The following RASSF5 variants were observed in gnomAD, a reference collection of about 807,000 sequenced individuals.
The protein encoded by RASSF5 is Ras association domain family member 5.
RASSF5 carries 25 observed loss-of-function variants against 40.5 expected under a neutral mutation model. That is an observed-to-expected ratio of 0.62 (90% CI 0.45 to 0.86). RASSF5 has a LOEUF of 0.86. Ranked by LOEUF, RASSF5 falls within the 40% of genes least tolerant of loss-of-function variation. The probability of loss-of-function intolerance (pLI) is 0.00; values close to 1 mark genes in which losing one functional copy is unlikely to be tolerated. For synonymous variants in RASSF5, 246 were observed against 252.4 expected (o/e 0.97, Z 0.24); for missense variants, 521 against 572.8 (o/e 0.91, Z 0.92).
At chr1:206,577,380 G>A (rs1668693711) in intron 2 of RASSF5, among the ~76,000 whole-genome samples, 1 of 152,182 alleles carries the variant, frequency 6.6e-6, no homozygotes, top group South Asian at 2.1e-4. Context: ...TGGGATGATA[G>A]TCACCATACA....
chr1:206,564,210 T>G (rs896902306), intron 2 of RASSF5, among the ~76,000 whole-genome samples: 1 of 152,166 alleles, frequency 6.6e-6, no homozygotes, highest in African/African-American at 2.4e-5. Context: ...TTCTAGATAT[T>G]GGCTGCCAAG....
At chr1:206,574,854 T>C (rs1250957364) in intron 2 of RASSF5, among the ~76,000 whole-genome samples, 320 of 37,372 alleles carry the variant, frequency 8.6e-3, no homozygotes, top group Non-Finnish European at 0.014. Context: ...GACCAATGAC[T>C]TTTTTTTTTT....
chr1:206,578,860 T>C (rs1553405685), intron 2 of RASSF5, among the ~76,000 whole-genome samples: 1 of 152,158 alleles, frequency 6.6e-6, no homozygotes, highest in African/African-American at 2.4e-5. Context: ...AGATTACATA[T>C]GTCATTGATT....
At chr1:206,582,893 G>A (rs1295862269) in intron 2 of RASSF5, among the ~76,000 whole-genome samples, 1 of 152,186 alleles carries the variant, frequency 6.6e-6, no homozygotes, top group Non-Finnish European at 1.5e-5. Flanking sequence ...CATCAAAGAA[G>A]CATCTTTTCC....
At chr1:206,577,202 G>A (rs2103560446) in intron 2 of RASSF5, among the ~76,000 whole-genome samples, 1 of 152,202 alleles carries the variant, frequency 6.6e-6, no homozygotes, top group South Asian at 2.1e-4. Flanking sequence ...CAGACTGCGT[G>A]GCCTGCAAAA....
chr1:206,574,149 G>A (rs1485982925), intron 2 of RASSF5, among the ~76,000 whole-genome samples: 1 of 152,234 alleles, frequency 6.6e-6, no homozygotes, highest in Non-Finnish European at 1.5e-5. Context: ...TAGCTGAGCT[G>A]TGCAGAGACT....
Position 206,560,452 on chromosome 1 carries a change from C to T in RASSF5, c.579+22159C>T, listed in dbSNP as rs1428470604. 2.6e-5 allele frequency among the ~76,000 whole-genome samples: 4 copies of T among 152,210 alleles called. No individual in the cohort carries two copies. The highest frequency in any genetic ancestry group is 7.2e-5 in the African/African-American group (3 of 41,446). On this transcript the variant is annotated intron_variant, in intron 2 of 5. Coordinates refer to ENST00000579436, the MANE Select transcript of RASSF5 (RefSeq NM_182663.4). The surrounding 1 kb of genome is among the most constrained non-coding windows in gnomAD (Gnocchi z 5.1). ...AGCAAGGGAGATGGGGGCACCAGGC[C>T]CTGGGCCCTAGCTTGGTCTCTCTTT... is the stretch of plus-strand genomic sequence containing the variant.
chr1:206,563,169 A>G (rs2103544376), intron 2 of RASSF5, among the ~76,000 whole-genome samples: 2 of 152,294 alleles, frequency 1.3e-5, no homozygotes, highest in Middle Eastern at 6.8e-3. Flanking sequence ...ACCACGGGCC[A>G]TTGGCTGGAA....
intron 2 of RASSF5, among the ~76,000 whole-genome samples, chr1:206,566,394 G>A (rs1189035299): frequency 6.6e-6 from 1 of 152,098 alleles, no homozygotes; most frequent in Admixed American, 6.5e-5. Flanking sequence ...GGGAAATCTG[G>A]GTTACTGTAC....
chr1:206,578,510 C>T lies in RASSF5; in HGVS notation c.580-4759C>T, dbSNP rs145163494. Among the ~76,000 whole-genome samples the T allele has an allele frequency of 5.2e-3, 786 of 152,164 alleles. 5 individuals carry two copies. The highest frequency in any genetic ancestry group is 8.2e-3 in the Admixed American group (125 of 15,284). On this transcript the variant is annotated intron_variant, in intron 2 of 5. Transcript: ENST00000579436. ...GCTGGAGTGATCAGGAAGAGCTTGA[C>T]AAATAAAGTGACTTCTGATGGGCAA...
chr1:206,572,455 A>G lies in RASSF5; in HGVS notation c.580-10814A>G, dbSNP rs573058695. The G allele has an allele frequency of 5.9e-5, 9 of 152,342 alleles. No homozygotes were observed. In the South Asian group the frequency reaches 1.2e-3, roughly 21 times the overall value. The allele number at this position is 152,342 out of a possible 1,614,324, so 9.4% of individuals were successfully genotyped here. ...ATGGTGCCCCTGGGATGCAGCAGAG[A>G]GGAAGGGAGTCTGTCCAGACCTGGG... On this transcript the variant is annotated intron_variant, in intron 2 of 5. Coordinates refer to ENST00000579436, the MANE Select transcript of RASSF5 (RefSeq NM_182663.4).
At chr1:206,508,162 G>C (rs1403006095) in intron 1 of RASSF5, 103 bp downstream of exon 1, 1 of 898,176 alleles carries the variant, frequency 1.1e-6, no homozygotes, top group Non-Finnish European at 1.5e-6. Flanking sequence ...TACACTCTTT[G>C]GCTCCAGGGG....
rs1480922755 is a variant in RASSF5, at chr1:206,531,583, A to G, written c.458-6589A>G. 6.6e-6 allele frequency among the ~76,000 whole-genome samples: 1 copy of G among 152,182 alleles called. No individual in the cohort carries two copies. The highest frequency in any genetic ancestry group is 1.5e-5 in the Non-Finnish European group (1 of 68,012). Reference sequence around the variant, plus strand: ...CTCTCTGGGTGTTCTTGGAGCTGCCATAGCTGGTCCAGCCCAGAGGCTCCA... The same window carrying G: ...CTCTCTGGGTGTTCTTGGAGCTGCCGTAGCTGGTCCAGCCCAGAGGCTCCA... On this transcript the variant is annotated intron_variant, in intron 1 of 5. Transcript: ENST00000579436. The surrounding 1 kb of genome is among the most constrained non-coding windows in gnomAD (Gnocchi z 4.7).
At chr1:206,510,580 C>T (rs545747456) in intron 1 of RASSF5, among the ~76,000 whole-genome samples, 2 of 152,124 alleles carry the variant, frequency 1.3e-5, no homozygotes, top group African/African-American at 2.4e-5. Flanking sequence ...GATTACCTTT[C>T]GAAGCAGTGA....
At chr1:206,518,287 A>G (rs2103504770) in intron 1 of RASSF5, 1 of 396,188 alleles carries the variant, frequency 2.5e-6, no homozygotes, top group East Asian at 3.6e-5. Context: ...GTGACTGTCC[A>G]GGTCATGCGA....
chr1:206,554,467 T>C (rs899266434), intron 2 of RASSF5, among the ~76,000 whole-genome samples: 3 of 152,170 alleles, frequency 2.0e-5, no homozygotes, highest in Non-Finnish European at 2.9e-5. Context: ...AAGTGGCCCA[T>C]TCATCATTTC....
intron 1 of RASSF5, among the ~76,000 whole-genome samples, chr1:206,511,863 C>T (rs1666623708): frequency 6.6e-6 from 1 of 152,166 alleles, no homozygotes; most frequent in Non-Finnish European, 1.5e-5. Flanking sequence ...GTGACAGCCC[C>T]CGATCCTGCA....
chr1:206,542,718 AT>A (rs1382288997), intron 2 of RASSF5: 1 of 152,082 alleles, frequency 6.6e-6, no homozygotes, highest in Non-Finnish European at 1.5e-5. Flanking sequence ...CCTGTCTACT[AT>A]TTACTTAACA....
chr1:206,571,980 G>A (rs905870362), intron 2 of RASSF5, among the ~76,000 whole-genome samples: 1 of 152,096 alleles, frequency 6.6e-6, no homozygotes, highest in Non-Finnish European at 1.5e-5. Flanking sequence ...CTAAAAAGGG[G>A]GCTTCATGAA....
Sources: allele counts gnomAD v4.1 joint callset (sites outside exome capture counted in the v4.1 genomes callset), GRCh38; gene constraint gnomAD v4.1.1; non-coding constraint Gnocchi (gnomAD v3.1); transcripts MANE v1.5; gene names NCBI Gene and HGNC (gene_info 2026-07-23, HGNC 2026-07-21).